The following GRIA1 variants were observed in gnomAD, a reference collection of about 807,000 sequenced individuals.
The protein encoded by GRIA1 is glutamate receptor 1.
In GRIA1, 31 loss-of-function variants were observed where a neutral mutation model predicts 99.2. The observed-to-expected ratio is 0.31, with a 90% confidence interval of 0.23 to 0.42. The LOEUF (loss-of-function observed/expected upper bound fraction) is 0.42. Ranked by LOEUF, GRIA1 falls within the 10% of genes least tolerant of loss-of-function variation. The pLI is 1.00. For synonymous variants in GRIA1, 438 were observed against 432.4 expected (o/e 1.01, Z -0.16); for missense variants, 782 against 1,157.5 (o/e 0.68, Z 4.71).
chr5:153,612,144 TC>T (rs1766046111), intron 2 of GRIA1, among the ~76,000 whole-genome samples: 1 of 152,232 alleles, frequency 6.6e-6, no homozygotes, highest in South Asian at 2.1e-4. Context: ...GATTCCTATT[TC>T]CTGCCATTGG....
At chr5:153,499,632 A>G (rs1754786540) in intron 2 of GRIA1, among the ~76,000 whole-genome samples, 1 of 150,826 alleles carries the variant, frequency 6.6e-6, no homozygotes, top group Admixed American at 6.6e-5. Context: ...AAAAAAAAAA[A>G]AAAAAAAACT....
At chr5:153,699,151 CCT>C in intron 10 of GRIA1, 78 bp downstream of exon 10, 1 of 987,714 alleles carries the variant, frequency 1.0e-6, no homozygotes, top group Non-Finnish European at 1.6e-6. Context: ...GTTGGGTGGC[CCT>C]GCCCACAGAT....
intron 11 of GRIA1, among the ~76,000 whole-genome samples, chr5:153,726,773 C>G (rs1383447384): frequency 1.3e-5 from 2 of 152,102 alleles, no homozygotes; most frequent in Non-Finnish European, 2.9e-5. Flanking sequence ...AAGTCCAGGA[C>G]CAGATGGATT....
chr5:153,629,749 C>A (rs75052125), intron 2 of GRIA1, among the ~76,000 whole-genome samples: 8,388 of 152,278 alleles, frequency 0.055, 258 homozygotes, highest in African/African-American at 0.073. Context: ...TAAGGGATTG[C>A]CCTTCCCTCT....
rs367718978 is a variant in GRIA1, at chr5:153,695,334, A to C, written c.1135-2710A>C. On this transcript the variant is annotated intron_variant, in intron 8 of 15. Coordinates refer to ENST00000285900, the MANE Select transcript of GRIA1 (RefSeq NM_000827.4). ...ATATACTACCAGAGTGCTTTTAAAC[A>C]TCTATTTTTCAGCTAGAAGGCTCCT... Among the ~76,000 whole-genome samples the C allele has an allele frequency of 3.5e-4, 53 of 152,368 alleles. 1 individual carries two copies. The South Asian group carries it at 0.011, about 31-fold the overall frequency.
chr5:153,601,095 C>A (rs538449641), intron 2 of GRIA1, among the ~76,000 whole-genome samples: 1 of 152,298 alleles, frequency 6.6e-6, no homozygotes, highest in African/African-American at 2.4e-5. Context: ...GCTGGATGAA[C>A]AGAATGATGA....
intron 2 of GRIA1, among the ~76,000 whole-genome samples, chr5:153,618,327 C>A (rs987307516): frequency 6.6e-6 from 1 of 152,170 alleles, no homozygotes; most frequent in African/African-American, 2.4e-5. Context: ...TGTCTAAATA[C>A]AGAATAAAGT....
chr5:153,546,604 A>G (rs1383324650), intron 2 of GRIA1, among the ~76,000 whole-genome samples: 2 of 152,172 alleles, frequency 1.3e-5, no homozygotes, highest in African/African-American at 4.8e-5. Flanking sequence ...GGTATGGGGA[A>G]CGTCTTACAG....
intron 11 of GRIA1, among the ~76,000 whole-genome samples, chr5:153,724,409 C>T (rs1165198446): frequency 6.6e-5 from 10 of 152,260 alleles, no homozygotes; most frequent in East Asian, 3.9e-4. Flanking sequence ...ATGACTTTGA[C>T]GAGTTGAGAG....
intron 2 of GRIA1, among the ~76,000 whole-genome samples, chr5:153,588,655 G>A (rs538791910): frequency 1.6e-4 from 24 of 152,252 alleles, no homozygotes; most frequent in Non-Finnish European, 2.6e-4. Flanking sequence ...AAATTATAGT[G>A]TAAAGTTTAA....
intron 2 of GRIA1, among the ~76,000 whole-genome samples, chr5:153,566,599 C>T (rs1197340066): frequency 1.3e-5 from 2 of 151,388 alleles, no homozygotes; most frequent in African/African-American, 4.8e-5. Context: ...AACCACCATG[C>T]CCAGCCTCTT....
chr5:153,773,035 T>C (rs1763985145), intron 13 of GRIA1, among the ~76,000 whole-genome samples: 1 of 152,136 alleles, frequency 6.6e-6, no homozygotes, highest in Non-Finnish European at 1.5e-5. Context: ...CTGGAAATAC[T>C]GGAGTGACAT....
intron 1 of GRIA1, chr5:153,491,387 A>G: frequency 1.3e-6 from 1 of 775,628 alleles, no homozygotes; most frequent in Non-Finnish European, 1.6e-6. Context: ...TTACATATGC[A>G]CATATATATG....
chr5:153,675,539 T>C (rs1756508954), intron 6 of GRIA1, among the ~76,000 whole-genome samples: 1 of 152,250 alleles, frequency 6.6e-6, no homozygotes, highest in South Asian at 2.1e-4. Context: ...TATGGAACCC[T>C]GTGTTGAGAA....
At chr5:153,797,406 A>C (rs796983505) in intron 14 of GRIA1, among the ~76,000 whole-genome samples, 7 of 152,346 alleles carry the variant, frequency 4.6e-5, no homozygotes, top group African/African-American at 1.7e-4. Context: ...CCCTAGAGGA[A>C]GGGACTAGAC....
chr5:153,764,057 A>G (rs1429829559), intron 11 of GRIA1, among the ~76,000 whole-genome samples: 2 of 152,194 alleles, frequency 1.3e-5, no homozygotes, highest in Non-Finnish European at 2.9e-5. Flanking sequence ...GCATTCATAC[A>G]TGTTTGCACA....
chr5:153,796,711 C>T (rs1314905326), intron 14 of GRIA1, among the ~76,000 whole-genome samples: 5 of 152,184 alleles, frequency 3.3e-5, no homozygotes, highest in South Asian at 2.1e-4. Context: ...CTGTGTGACT[C>T]GCCCAAGATT....
chr5:153,506,321 GT>G (rs1360565735), intron 2 of GRIA1, among the ~76,000 whole-genome samples: 15 of 48,548 alleles, frequency 3.1e-4, no homozygotes, highest in African/African-American at 8.5e-4. Context: ...AGAAGGGTGT[GT>G]GTGTGTGTGT....
chr5:153,776,125 G>T (rs1041994981), intron 13 of GRIA1, among the ~76,000 whole-genome samples: 10 of 152,144 alleles, frequency 6.6e-5, no homozygotes, highest in African/African-American at 2.2e-4. Context: ...TTTGCGATAC[G>T]CATCAGAGAG....
Sources: gnomAD v4.1 joint callset for allele counts (sites outside exome capture counted in the v4.1 genomes callset) on GRCh38, gnomAD v4.1.1 for gene constraint, MANE v1.5 for transcripts, NCBI Gene and HGNC (gene_info 2026-07-23, HGNC 2026-07-21) for gene names.